GOLM1: variants seen among roughly 807,000 people sequenced by gnomAD.
The protein encoded by GOLM1 is golgi membrane protein 1.
GOLM1 carries 31 observed loss-of-function variants against 50.5 expected under a neutral mutation model. The ratio of observed to expected loss-of-function variants is 0.61; its 90% CI spans 0.46 to 0.83. The LOEUF is 0.83. Ranked by LOEUF, GOLM1 falls within the 40% of genes least tolerant of loss-of-function variation. The probability of loss-of-function intolerance (pLI) is 0.00; values close to 1 mark genes in which losing one functional copy is unlikely to be tolerated. For synonymous variants in GOLM1, 178 were observed against 192.8 expected (o/e 0.92, Z 0.64); for missense variants, 491 against 501.3 (o/e 0.98, Z 0.20).
At chr9:86,046,338 G>A (rs1833539748) in intron 5 of GOLM1, 132 bp downstream of exon 5, 2 of 639,670 alleles carry the variant, frequency 3.1e-6, no homozygotes, top group East Asian at 5.5e-5. Flanking sequence ...TCCTAGAGGG[G>A]CCCGTGCCTT....
At chr9:86,061,356 G>C (rs1234784523) in intron 3 of GOLM1, among the ~76,000 whole-genome samples, 7 of 152,174 alleles carry the variant, frequency 4.6e-5, no homozygotes, top group Admixed American at 4.6e-4. Context: ...TAGAAGGGCA[G>C]GTCTTTGCTG....
chr9:86,098,116 A>C (rs1359136434), intron 1 of GOLM1, among the ~76,000 whole-genome samples: 1 of 152,210 alleles, frequency 6.6e-6, no homozygotes, highest in Non-Finnish European at 1.5e-5. Context: ...ATAGGAGAAC[A>C]AAATGTATCT....
chr9:86,038,933 AAAAT>A (rs1291578761), intron 6 of GOLM1, among the ~76,000 whole-genome samples: 10 of 152,296 alleles, frequency 6.6e-5, no homozygotes, highest in Middle Eastern at 6.8e-3. Context: ...AACAAAAGAA[AAAAT>A]AAATAAAATG....
intron 6 of GOLM1, among the ~76,000 whole-genome samples, chr9:86,037,876 C>A (rs181499275): frequency 5.3e-5 from 8 of 152,232 alleles, no homozygotes; most frequent in Non-Finnish European, 1.2e-4. Flanking sequence ...CTGCCCCAGC[C>A]AGGCGTGGTG....
Position 86,035,364 on chromosome 9 carries a change from C to G in GOLM1, c.1015+4G>C, listed in dbSNP as rs774459066. ...CACAGCGGCCCCCGAAACTTCACACCCACCTTCCCCGGCAGCTTCCTGCTC... is the reference window on the plus strand; with the variant it reads ...CACAGCGGCCCCCGAAACTTCACACGCACCTTCCCCGGCAGCTTCCTGCTC... On this transcript the variant is annotated splice_donor_region_variant and intron_variant, in intron 8 of 9. Coordinates refer to ENST00000388712, the MANE Select transcript of GOLM1 (RefSeq NM_016548.4). 2 of 1,612,482 alleles carry G rather than the reference C, an allele frequency of 1.2e-6. No homozygotes were observed. The highest frequency in any genetic ancestry group is 1.1e-5 in the South Asian group (1 of 90,970).
At chr9:86,038,057 G>A (rs1187801183) in intron 6 of GOLM1, among the ~76,000 whole-genome samples, 1 of 151,998 alleles carries the variant, frequency 6.6e-6, no homozygotes, top group African/African-American at 2.4e-5. Flanking sequence ...GGGAGGCTGA[G>A]GCAGGAGAAT....
intron 6 of GOLM1, 183 bp from the exon 7 acceptor site, chr9:86,036,690 G>A: frequency 1.6e-6 from 1 of 617,486 alleles, no homozygotes; most frequent in South Asian, 2.1e-5. Flanking sequence ...CAGAAGACAA[G>A]AGGTTGAGTC....
chr9:86,078,445 T>G (rs1834685435), intron 2 of GOLM1, among the ~76,000 whole-genome samples: 1 of 152,154 alleles, frequency 6.6e-6, no homozygotes, highest in Non-Finnish European at 1.5e-5. Context: ...CTTGCTAAAC[T>G]GGCCTAACAA....
chr9:86,071,291 T>G (rs1447137817), intron 3 of GOLM1, among the ~76,000 whole-genome samples: 1 of 152,022 alleles, frequency 6.6e-6, no homozygotes, highest in Non-Finnish European at 1.5e-5. Context: ...AGAGACAGGG[T>G]CTCAGTATGT....
In GOLM1 at chr9:86,052,525, A is replaced by G; in HGVS notation, c.364+12T>C. 1.9e-6 allele frequency: 3 copies of G among 1,612,846 alleles called. No homozygotes were observed. The highest frequency in any genetic ancestry group is 2.2e-5 in the East Asian group (1 of 44,872). On this transcript the variant is annotated intron_variant, in intron 4 of 9. Transcript: ENST00000388712. Reference sequence around the variant, plus strand: ...GGCCAGTGCCTGGTGTGGAGGAGCGAGCGGAACTTACCTTGCAGCACTCGG... The same window carrying G: ...GGCCAGTGCCTGGTGTGGAGGAGCGGGCGGAACTTACCTTGCAGCACTCGG...
intron 1 of GOLM1, among the ~76,000 whole-genome samples, chr9:86,094,425 C>T (rs1228328435): frequency 6.6e-6 from 1 of 152,224 alleles, no homozygotes; most frequent in East Asian, 1.9e-4. Context: ...AGGAAATACA[C>T]AGACTCTCTT....
rs1227428799 is a variant in GOLM1 at position 86,099,473 on chromosome 9, C to T, written c.-84G>A. On this transcript the variant is annotated 5_prime_UTR_variant, in exon 1 of 10. Transcript: ENST00000388712. ...GGCCCCGCTACGAGGCCGCCCGGGT[C>T]GCTCTCCCGCCGCCGCCGGCCTCGA... The T allele has an allele frequency of 6.6e-6, 1 of 151,044 alleles. No individual in the cohort carries two copies. Among genetic ancestry groups the T allele is most frequent in the Non-Finnish European group, 1.5e-5 (1 of 67,648 alleles). 9.4% of individuals were successfully genotyped at this position (151,044 alleles called of 1,614,324 possible).
At chr9:86,061,791 C>T (rs550460993) in intron 3 of GOLM1, among the ~76,000 whole-genome samples, 1 of 152,242 alleles carries the variant, frequency 6.6e-6, no homozygotes, top group East Asian at 1.9e-4. Flanking sequence ...GTGAGTTGAA[C>T]TGAGTGTGAG....
intron 3 of GOLM1, among the ~76,000 whole-genome samples, chr9:86,053,663 CCACACACGGCACACCACTCCACA>C: frequency 2.0e-5 from 3 of 148,102 alleles, no homozygotes; most frequent in Non-Finnish European, 3.0e-5. Flanking sequence ...CTACACCACT[CCACACACGGCACACCACTCCACA>C]CACACCACAC....
chr9:86,035,671 T>TTTAAAA, intron 7 of GOLM1, 46 bp from the exon 8 acceptor site: 2 of 872,644 alleles, frequency 2.3e-6, no homozygotes, highest in African/African-American at 4.8e-5. Context: ...GCATTTGATT[T>TTTAAAA]AAAAAAAAAA....
chr9:86,054,738 A>G (rs1371898247), intron 3 of GOLM1, among the ~76,000 whole-genome samples: 1 of 152,198 alleles, frequency 6.6e-6, no homozygotes, highest in African/African-American at 2.4e-5. Context: ...CCAACGTAGT[A>G]GGCTGTACCT....
At chr9:86,068,604 C>T (rs900594199) in intron 3 of GOLM1, among the ~76,000 whole-genome samples, 1 of 152,236 alleles carries the variant, frequency 6.6e-6, no homozygotes, top group Non-Finnish European at 1.5e-5. Context: ...TCATTCTAAC[C>T]TCAGCCTTCA....
rs929572177 is a variant in GOLM1, at chr9:86,027,268, T to C, written c.*549A>G. On this transcript the variant is annotated 3_prime_UTR_variant, in exon 10 of 10. Transcript: ENST00000388712. The stretch of plus-strand genomic sequence containing the variant: ...AGACTTAAAGCTGTTGCTACTTTGC[T>C]AGTGACGTTTGTGTTAACAGTCAGT... 8 of 985,400 alleles carry C rather than the reference T, an allele frequency of 8.1e-6. No individual in the cohort carries two copies. The highest frequency in any genetic ancestry group is 5.2e-5 in the African/African-American group (3 of 57,248). 61.0% of individuals were successfully genotyped at this position (985,400 alleles called of 1,614,324 possible). A position where few individuals can be genotyped will look rare whatever the true frequency, so the allele number is the denominator to read the frequency against.
At chr9:86,055,398 C>G (rs777941604) in intron 3 of GOLM1, among the ~76,000 whole-genome samples, 1 of 152,090 alleles carries the variant, frequency 6.6e-6, no homozygotes, top group Non-Finnish European at 1.5e-5. Flanking sequence ...GCGTGAAAAG[C>G]GAAAAGATTA....
Sources: gnomAD v4.1 joint callset for allele counts (sites outside exome capture counted in the v4.1 genomes callset) on GRCh38, gnomAD v4.1.1 for gene constraint, MANE v1.5 for transcripts, NCBI Gene and HGNC (gene_info 2026-07-23, HGNC 2026-07-21) for gene names.